Variants in CRADD observed in about 807,000 individuals in gnomAD.
The protein encoded by CRADD is death domain-containing protein CRADD.
A neutral mutation model predicts 15.5 loss-of-function variants in CRADD; 9 were observed. That is an observed-to-expected ratio of 0.58 (90% CI 0.35 to 1.01). The LOEUF (loss-of-function observed/expected upper bound fraction) is 1.01. Among genes scored for constraint, CRADD ranks in the 50% least tolerant of loss-of-function variants. The pLI is 0.02. For synonymous variants in CRADD, 118 were observed against 107.6 expected, an observed-to-expected ratio of 1.10 and a Z score of -0.60; for missense variants, 227 against 250.3, an observed-to-expected ratio of 0.91 and a Z score of 0.63.
intron 2 of CRADD, among the ~76,000 whole-genome samples, chr12:93,807,031 C>A (rs1211733631): frequency 6.6e-6 from 1 of 152,108 alleles, no homozygotes; most frequent in Admixed American, 6.6e-5. Context: ...GCTAAGGCTT[C>A]CCCCAACCAG....
intron 2 of CRADD, among the ~76,000 whole-genome samples, chr12:93,823,298 C>CAA (rs66639212): frequency 2.9e-5 from 4 of 139,794 alleles, no homozygotes; most frequent in Non-Finnish European, 4.7e-5. Flanking sequence ...GTCTCAAAAA[C>CAA]AAAAAAAAAA....
chr12:93,838,135 CTG>C (rs1565933344), intron 2 of CRADD: 1 of 151,396 alleles, frequency 6.6e-6, no homozygotes, highest in Non-Finnish European at 1.5e-5. Flanking sequence ...CTCCATCTCT[CTG>C]TGAGGACCAA....
In CRADD at chr12:93,769,311, T is replaced by C. The variant is rs138934418; in HGVS notation, c.299-80659T>C. On this transcript the variant is annotated intron_variant, in intron 2 of 2. Coordinates refer to ENST00000332896, the MANE Select transcript of CRADD (RefSeq NM_003805.5). ...GTTGCCCAGGCTAGTTTCGAACTTC[T>C]GGGCTCAAGTGATCCACTCGCCCCG... Among the ~76,000 whole-genome samples, 155 of 152,276 alleles carry C rather than the reference T, an allele frequency of 1.0e-3. 1 individual carries two copies. In the East Asian group the frequency reaches 0.028, roughly 28 times the overall value.
chr12:93,786,625 T>A (rs1312117258), intron 2 of CRADD, among the ~76,000 whole-genome samples: 1 of 152,212 alleles, frequency 6.6e-6, no homozygotes, highest in Admixed American at 6.5e-5. Context: ...AATAAAGATT[T>A]CTTTAAGAGA....
intron 2 of CRADD, among the ~76,000 whole-genome samples, chr12:93,697,970 C>T (rs1362866543): frequency 1.3e-5 from 2 of 152,160 alleles, no homozygotes; most frequent in Admixed American, 1.3e-4. Flanking sequence ...CCTGTTCTCT[C>T]TGTGATCTGC....
chr12:93,713,646 ATTGT>A (rs1312288812), intron 2 of CRADD, among the ~76,000 whole-genome samples: 7 of 151,952 alleles, frequency 4.6e-5, no homozygotes, highest in Non-Finnish European at 8.8e-5. Context: ...TTGTATTGTT[ATTGT>A]TTATTTAAAA....
chr12:93,739,566 TG>T (rs1956638092), intron 2 of CRADD, among the ~76,000 whole-genome samples: 1 of 151,826 alleles, frequency 6.6e-6, no homozygotes, highest in Non-Finnish European at 1.5e-5. Flanking sequence ...GCATCAAGGC[TG>T]TCTCCTACAG....
chr12:93,830,066 G>A (rs930189213), intron 2 of CRADD, among the ~76,000 whole-genome samples: 3 of 152,172 alleles, frequency 2.0e-5, no homozygotes, highest in African/African-American at 4.8e-5. Context: ...TTGACCAGTG[G>A]TGGGGAGAGC....
In CRADD at chr12:93,686,023, G is replaced by C. The variant is rs375541468; in HGVS notation, c.298+6951G>C. On this transcript the variant is annotated intron_variant, in intron 2 of 2. Coordinates refer to ENST00000332896, the MANE Select transcript of CRADD (RefSeq NM_003805.5). ...ACAAAACCAACGGAAATAATGGTTG[G>C]GTGTAGTGGCTCATGCCTGTAATCC... 3.3e-5 allele frequency among the ~76,000 whole-genome samples: 5 copies of C among 151,100 alleles called. No individual in the cohort carries two copies. The East Asian group carries it at 5.9e-4, about 18-fold the overall frequency.
intron 2 of CRADD, among the ~76,000 whole-genome samples, chr12:93,711,055 C>CCCCCCTTTTTTT: frequency 1.6e-4 from 7 of 43,508 alleles, no homozygotes; most frequent in Admixed American, 5.2e-4. Context: ...CCACCCCCGC[C>CCCCCCTTTTTTT]TTTTTTTTTT....
chr12:93,684,479 C>G (rs977424685), intron 2 of CRADD, among the ~76,000 whole-genome samples: 22 of 152,128 alleles, frequency 1.4e-4, no homozygotes, highest in African/African-American at 5.1e-4. Flanking sequence ...CCACTTACCT[C>G]CTGCTCTGCG....
At chr12:93,762,874 C>T (rs1441783849) in intron 2 of CRADD, among the ~76,000 whole-genome samples, 1 of 152,134 alleles carries the variant, frequency 6.6e-6, no homozygotes, top group Admixed American at 6.5e-5. Context: ...AACAAGTCAA[C>T]TTCCCTGTGG....
chr12:93,889,603 G>A (rs367556370), intron 2 of CRADD, among the ~76,000 whole-genome samples: 5 of 152,162 alleles, frequency 3.3e-5, no homozygotes, highest in South Asian at 2.1e-4. Flanking sequence ...AGGAAGGGCC[G>A]TGGCTCCATG....
At chr12:93,708,928 C>T (rs1956007379) in intron 2 of CRADD, 1 of 152,526 alleles carries the variant, frequency 6.6e-6, no homozygotes, top group Non-Finnish European at 1.5e-5. Flanking sequence ...GGGCCCATTT[C>T]CTGGTTCATA....
intron 2 of CRADD, among the ~76,000 whole-genome samples, chr12:93,861,213 G>T (rs1485325820): frequency 9.9e-5 from 15 of 152,204 alleles, no homozygotes; most frequent in Admixed American, 9.8e-4. Context: ...TGTTACTCAG[G>T]TTGAGGCAGG....
intron 2 of CRADD, among the ~76,000 whole-genome samples, chr12:93,883,111 A>C (rs1440975035): frequency 6.6e-6 from 1 of 152,242 alleles, no homozygotes; most frequent in Non-Finnish European, 1.5e-5. Flanking sequence ...AGGCATATGG[A>C]CAAAGGAGGG....
chr12:93,838,944 T>G (rs1260665802), intron 2 of CRADD, among the ~76,000 whole-genome samples: 2 of 149,410 alleles, frequency 1.3e-5, no homozygotes, highest in Non-Finnish European at 3.0e-5. Flanking sequence ...TTGTATTAAT[T>G]TTTTTTTTTG....
At chr12:93,805,429 A>G (rs1476257986) in intron 2 of CRADD, among the ~76,000 whole-genome samples, 1 of 152,044 alleles carries the variant, frequency 6.6e-6, no homozygotes, top group Non-Finnish European at 1.5e-5. Context: ...CAATAAATGT[A>G]TATAAAAGAT....
intron 2 of CRADD, among the ~76,000 whole-genome samples, chr12:93,703,092 T>A (rs1349293574): frequency 6.6e-6 from 1 of 152,188 alleles, no homozygotes; most frequent in African/African-American, 2.4e-5. Flanking sequence ...GCTGACTGCA[T>A]GCTGACTGTG....
Sources: gnomAD v4.1 joint callset for allele counts (sites outside exome capture counted in the v4.1 genomes callset) on GRCh38, gnomAD v4.1.1 for gene constraint, MANE v1.5 for transcripts, NCBI Gene and HGNC (gene_info 2026-07-23, HGNC 2026-07-21) for gene names.